Variants in VPS13D observed in about 807,000 individuals in gnomAD.
VPS13D encodes the protein intermembrane lipid transfer protein VPS13D.
VPS13D carries 187 observed loss-of-function variants against 461.9 expected under a neutral mutation model. That is an observed-to-expected ratio of 0.40 (90% CI 0.36 to 0.46). VPS13D has a LOEUF of 0.46. Ranked by LOEUF, VPS13D falls within the 20% of genes least tolerant of loss-of-function variation. The pLI, the probability that VPS13D is intolerant of heterozygous loss-of-function variation, is 0.60. For missense variants in VPS13D, 4,711 were observed against 5,364.9 expected, an observed-to-expected ratio of 0.88 and a Z score of 3.81; for synonymous variants, 1,951 against 1,986.3, an observed-to-expected ratio of 0.98 and a Z score of 0.47.
Position 12,277,643 on chromosome 1 carries a change from C to A in VPS13D, c.4055C>A (p.Pro1352His). ...GAAACTCCAAGGAAGACTCGGGAAC[C>A]CTTTATCTTAGAGGAAAATGAAATA... The part of the protein sequence containing the change: ...LFETPRKTRE[P>H]FILEENEIYG... Residue 1352 changes from proline (P) to histidine (H), a missense_variant, in exon 19 of 70, where the codon CCC becomes CAC. By Grantham distance (77) the Pro-to-His change is moderately conservative. This residue lies in a region of VPS13D where 4,411 missense variants were observed against 4,937.8 expected (regional missense o/e 0.89). Transcript: ENST00000620676. 6.2e-7 allele frequency: 1 copy of A among 1,614,078 alleles called. No homozygotes were observed. Among genetic ancestry groups the A allele is most frequent in the African/African-American group, 1.3e-5 (1 of 75,032 alleles).
Position 12,290,944 on chromosome 1 carries a change from GT to G in VPS13D, c.5726-52del. 2.0e-6 allele frequency: 3 copies of G among 1,529,152 alleles called. No homozygotes were observed. The South Asian group carries it at 3.8e-5, about 19-fold the overall frequency. The allele number at this position is 1,529,152 out of a possible 1,614,324, so 94.7% of individuals were successfully genotyped here. ...CAGCTTTTGTTCCAGACATATTTAAGTTGTGTGACAAAAAAGGATACATAGT... is the reference window on the plus strand; with the variant it reads ...CAGCTTTTGTTCCAGACATATTTAAGTGTGTGACAAAAAAGGATACATAGT... On this transcript the variant is annotated intron_variant, in intron 22 of 69. Transcript: ENST00000620676.
intron 61 of VPS13D, among the ~76,000 whole-genome samples, chr1:12,401,352 G>T (rs1280345461): frequency 6.6e-5 from 10 of 152,168 alleles, no homozygotes; most frequent in Non-Finnish European, 4.4e-5. Context: ...TGCATCTGAG[G>T]CTGGAATCCT....
At chr1:12,353,260 G>A (rs943564398) in intron 46 of VPS13D, among the ~76,000 whole-genome samples, 12 of 151,976 alleles carry the variant, frequency 7.9e-5, no homozygotes, top group Non-Finnish European at 1.2e-4. Flanking sequence ...TAGGCCGGGT[G>A]CGGTGGCTCA....
intron 37 of VPS13D, among the ~76,000 whole-genome samples, chr1:12,330,335 A>G (rs1340022902): frequency 2.0e-5 from 3 of 151,988 alleles, no homozygotes; most frequent in Admixed American, 6.5e-5. Flanking sequence ...GAATCACTTG[A>G]ACCCGGCAGG....
At chr1:12,346,725 T>C in intron 44 of VPS13D, 73 bp downstream of exon 44, 1 of 1,374,964 alleles carries the variant, frequency 7.3e-7, no homozygotes, top group Admixed American at 2.2e-5. Context: ...TGGATATACA[T>C]TTCTTAATGA....
chr1:12,233,534 C>T (rs1640051528), intron 1 of VPS13D, among the ~76,000 whole-genome samples: 1 of 152,188 alleles, frequency 6.6e-6, no homozygotes, highest in Non-Finnish European at 1.5e-5. Flanking sequence ...AAATTATGCC[C>T]ATAGGAGAAC....
chr1:12,414,485 T>A (rs1478466671), intron 63 of VPS13D, among the ~76,000 whole-genome samples: 1 of 152,170 alleles, frequency 6.6e-6, no homozygotes, highest in African/African-American at 2.4e-5. Flanking sequence ...CCCCCATATG[T>A]AATGTTGTCT....
rs774276269 is a variant in VPS13D, at chr1:12,383,043, A to G, written c.11258A>G (p.Glu3753Gly). ...GTTCTTGGTCCTGACACTTCCATGG[A>G]GCTTTTGGGGCCAGTTCCACCTGAA... ...EVVLGPDTSMELLGPVPPEQQ... is the reference protein window; with the variant it reads ...EVVLGPDTSMGLLGPVPPEQQ... Residue 3753 changes from glutamate to glycine, a missense_variant, in exon 58 of 70, where the codon GAG becomes GGG. Glu to Gly is a moderately conservative substitution (Grantham distance 98). This residue lies in a region of VPS13D where 4,411 missense variants were observed against 4,937.8 expected (regional missense o/e 0.89). Coordinates refer to ENST00000620676, the MANE Select transcript of VPS13D (RefSeq NM_015378.4). 12 of 1,614,074 alleles carry G rather than the reference A, an allele frequency of 7.4e-6. No individual in the cohort carries two copies. The African/African-American group carries it at 1.6e-4, about 22-fold the overall frequency.
At chr1:12,464,500 C>A (rs1326691041) in intron 67 of VPS13D, among the ~76,000 whole-genome samples, 1 of 152,142 alleles carries the variant, frequency 6.6e-6, no homozygotes, top group Non-Finnish European at 1.5e-5. Context: ...AGTAATCCAT[C>A]TGAAAAGTGG....
chr1:12,325,321 G>A (rs565048332), intron 35 of VPS13D, among the ~76,000 whole-genome samples: 6 of 151,778 alleles, frequency 4.0e-5, no homozygotes, highest in Admixed American at 2.0e-4. Flanking sequence ...GTGCAGTGGC[G>A]CGATCTTGGC....
At chr1:12,475,518 C>A (rs1030035335) in intron 67 of VPS13D, among the ~76,000 whole-genome samples, 79 of 152,240 alleles carry the variant, frequency 5.2e-4, no homozygotes, top group African/African-American at 1.8e-3. Flanking sequence ...TAAAAAAGCA[C>A]TAGGTTAATC....
At chr1:12,401,347 C>T (rs577040061) in intron 61 of VPS13D, among the ~76,000 whole-genome samples, 12 of 152,314 alleles carry the variant, frequency 7.9e-5, no homozygotes, top group African/African-American at 2.9e-4. Flanking sequence ...CACAGTGCAT[C>T]TGAGGCTGGA....
In VPS13D at chr1:12,299,096, T is replaced by G. The variant is rs897639623; in HGVS notation, c.6034-106T>G. 22 of 1,101,376 alleles carry G rather than the reference T, an allele frequency of 2.0e-5. No homozygotes were observed. The African/African-American group carries it at 2.7e-4, about 13-fold the overall frequency. The allele number at this position is 1,101,376 out of a possible 1,614,324, so 68.2% of individuals were successfully genotyped here. ...TGGTCATAGAATATGCTCTGTATGA[T>G]TTTAATTGTTTTATAAACTCACGAA... On this transcript the variant is annotated intron_variant, in intron 24 of 69. Transcript: ENST00000620676. This position sits in a 1 kb window ranked among gnomAD's most constrained non-coding sequence, Gnocchi z 4.2.
chr1:12,416,549 T>G, intron 64 of VPS13D, 111 bp from the exon 65 acceptor site: 1 of 1,137,916 alleles, frequency 8.8e-7, no homozygotes, highest in Non-Finnish European at 1.2e-6. Flanking sequence ...TTACTTGTAG[T>G]AATGAGAATG....
chr1:12,362,858 G>A lies in VPS13D; in HGVS notation c.10272+8G>A, dbSNP rs1459811302. The A allele has an allele frequency of 1.2e-6, 2 of 1,614,052 alleles. No homozygotes were observed. Among genetic ancestry groups the A allele is most frequent in the African/African-American group, 1.3e-5 (1 of 75,052 alleles). On this transcript the variant is annotated splice_region_variant and intron_variant, in intron 51 of 69. Coordinates refer to ENST00000620676, the MANE Select transcript of VPS13D (RefSeq NM_015378.4). ...GAATTTGCCAGGGGACAGGTGAGCA[G>A]TTTGCTTTTGAAGGATGAGAGTGCC...
At chr1:12,392,347 C>T (rs910929205) in intron 60 of VPS13D, among the ~76,000 whole-genome samples, 1 of 151,252 alleles carries the variant, frequency 6.6e-6, no homozygotes, top group African/African-American at 2.4e-5. Context: ...CGGGCAGTGG[C>T]GGGTGCCTGT....
In VPS13D at chr1:12,277,644, C is replaced by G. The variant is rs773358394; in HGVS notation, c.4056C>G (p.Pro1352=). The G allele has an allele frequency of 3.7e-6, 6 of 1,613,964 alleles. No homozygotes were observed. In the African/African-American group the frequency reaches 6.7e-5, roughly 18 times the overall value. ...LFETPRKTRE[P]FILEENEIYG... The stretch of plus-strand genomic sequence containing the variant: ...AAACTCCAAGGAAGACTCGGGAACC[C>G]TTTATCTTAGAGGAAAATGAAATAT... The change falls in exon 19 of 70, where the codon CCC becomes CCG. Residue 1352 remains proline, a synonymous_variant. Coordinates refer to ENST00000620676, the MANE Select transcript of VPS13D (RefSeq NM_015378.4).
chr1:12,311,337 G>A (rs758754097), intron 27 of VPS13D, 117 bp from the exon 28 acceptor site: 141 of 888,148 alleles, frequency 1.6e-4, no homozygotes, highest in Non-Finnish European at 2.1e-4. Flanking sequence ...TTGGAAGTAG[G>A]AATTACCTAC....
chr1:12,242,460 T>C, intron 2 of VPS13D, 53 bp from the exon 3 acceptor site: 4 of 1,441,540 alleles, frequency 2.8e-6, no homozygotes, highest in Non-Finnish European at 3.9e-6. Flanking sequence ...ACACAGTAGG[T>C]GGCCTACTGT....
Sources: gnomAD v4.1 joint callset for allele counts (sites outside exome capture counted in the v4.1 genomes callset) on GRCh38, gnomAD v4.1.1 for gene constraint, gnomAD v4.1.1 regional missense constraint, Gnocchi (gnomAD v3.1) non-coding constraint, MANE v1.5 for transcripts, NCBI Gene and HGNC (gene_info 2026-07-23, HGNC 2026-07-21) for gene names.